The following RILPL2 variants were observed in gnomAD, a reference collection of about 807,000 sequenced individuals.
The protein encoded by RILPL2 is RILP-like protein 2.
A neutral mutation model predicts 22.2 loss-of-function variants in RILPL2; 19 were observed. The ratio of observed to expected loss-of-function variants is 0.86; its 90% confidence interval spans 0.60 to 1.25. RILPL2 has a LOEUF of 1.25. Ranked by LOEUF, RILPL2 falls within the 50% of genes most tolerant of loss-of-function variation. The pLI is 0.00. For synonymous variants in RILPL2, 123 were observed against 111.6 expected (o/e 1.10, Z -0.64); for missense variants, 243 against 263.6 (o/e 0.92, Z 0.54).
At chr12:123,413,884 A>G (rs1879043432), downstream of RILPL2, 2 of 152,220 alleles carry the variant, frequency 1.3e-5, no homozygotes, top group South Asian at 2.1e-4. Flanking sequence ...TAGATACAGA[A>G]TGTCGATTGG....
chr12:123,427,991 G>C (rs1013707927), intron 2 of RILPL2, among the ~76,000 whole-genome samples: 2 of 152,222 alleles, frequency 1.3e-5, no homozygotes, highest in Non-Finnish European at 2.9e-5. Context: ...CTCTTGGCCT[G>C]AGCCAGATGG....
intron 3 of RILPL2, among the ~76,000 whole-genome samples, chr12:123,422,256 C>T (rs958116390): frequency 1.3e-5 from 2 of 151,374 alleles, no homozygotes; most frequent in African/African-American, 4.8e-5. Context: ...GGCGCAGTGG[C>T]TCATGCCTGT....
chr12:123,413,877 A>G (rs1157007332), downstream of RILPL2: 1 of 152,266 alleles, frequency 6.6e-6, no homozygotes, highest in Non-Finnish European at 1.5e-5. Context: ...GAGTAGCTAG[A>G]TACAGAATGT....
Position 123,436,447 on chromosome 12 carries a change from G to T in RILPL2, c.-27C>A, listed in dbSNP as rs1413940194. 1.9e-6 allele frequency: 3 copies of T among 1,539,728 alleles called. No homozygotes were observed. Among genetic ancestry groups the T allele is most frequent in the Non-Finnish European group, 2.6e-6 (3 of 1,145,470 alleles). On this transcript the variant is annotated 5_prime_UTR_variant, in exon 1 of 4. Coordinates refer to ENST00000280571, the MANE Select transcript of RILPL2 (RefSeq NM_145058.3). This position sits in a 1 kb window ranked among gnomAD's most constrained non-coding sequence, Gnocchi z 6.7. ...GCCACCCAGACCCCCGCCGACCTCGGAGCTGCTGTCTTGGAGTCTCCCAAA... is the reference window on the plus strand; with the variant it reads ...GCCACCCAGACCCCCGCCGACCTCGTAGCTGCTGTCTTGGAGTCTCCCAAA...
In RILPL2 at chr12:123,415,632, C is replaced by A; in HGVS notation, c.*259G>T. 1 of 571,752 alleles carries A rather than the reference C, an allele frequency of 1.7e-6. No individual in the cohort carries two copies. The highest frequency in any genetic ancestry group is 1.9e-5 in the African/African-American group (1 of 53,496). The allele number at this position is 571,752 out of a possible 1,614,324, so 35.4% of individuals were successfully genotyped here. A position where few individuals can be genotyped will look rare whatever the true frequency, so the allele number is the denominator to read the frequency against. Reference sequence around the variant, plus strand: ...TGACATGGGAGCAGGAAGTGGACCCCCCCACCCTGCACATCCCTTCTGTTT... The same window carrying A: ...TGACATGGGAGCAGGAAGTGGACCCACCCACCCTGCACATCCCTTCTGTTT... On this transcript the variant is annotated 3_prime_UTR_variant, in exon 4 of 4. Transcript: ENST00000280571.
chr12:123,415,943 T>C, intron 3 of RILPL2, 22 bp from the exon 4 acceptor site: 1 of 1,613,456 alleles, frequency 6.2e-7, no homozygotes, highest in Non-Finnish European at 8.5e-7. Context: ...AGAGAGAGGG[T>C]TCAGGGTAAG....
intron 1 of RILPL2, among the ~76,000 whole-genome samples, chr12:123,432,436 G>A (rs1879678654): frequency 6.6e-6 from 1 of 152,170 alleles, no homozygotes; most frequent in African/African-American, 2.4e-5. Flanking sequence ...GCCCAGGGAG[G>A]CTGAAACTGC....
rs142467647 is a variant in RILPL2 at position 123,426,634 on chromosome 12, G to A, written c.492-3477C>T. Reference sequence around the variant, plus strand: ...TTTTCTTTTTTTGAGATGGAGTCTCGCTGTCGCCCAGGCTGGAGTGCAGTG... The same window carrying A: ...TTTTCTTTTTTTGAGATGGAGTCTCACTGTCGCCCAGGCTGGAGTGCAGTG... On this transcript the variant is annotated intron_variant, in intron 2 of 3. Transcript: ENST00000280571. 1.8e-3 allele frequency among the ~76,000 whole-genome samples: 273 copies of A among 149,032 alleles called. 4 individuals are homozygous for A. The East Asian group carries it at 0.038, about 21-fold the overall frequency.
intron 2 of RILPL2, among the ~76,000 whole-genome samples, chr12:123,424,181 ATTTTGTCTCTGAACTG>A (rs1017591804): frequency 6.6e-5 from 10 of 152,194 alleles, no homozygotes; most frequent in African/African-American, 2.4e-4. Flanking sequence ...GTTAATAAAT[ATTTTGTCTCTGAACTG>A]TTTTGTCTCT....
chr12:123,416,031 T>A, intron 3 of RILPL2, 110 bp from the exon 4 acceptor site: 1 of 1,087,010 alleles, frequency 9.2e-7, no homozygotes, highest in East Asian at 2.4e-5. Context: ...CTCAAAAATA[T>A]GTCCAGGCCA....
At chr12:123,432,523 A>C (rs1879681218) in intron 1 of RILPL2, among the ~76,000 whole-genome samples, 1 of 152,206 alleles carries the variant, frequency 6.6e-6, no homozygotes, top group Non-Finnish European at 1.5e-5. Flanking sequence ...ACAAAGAAAA[A>C]AAACAAGGCA....
chr12:123,410,167 G>A (rs2139222487), downstream of RILPL2, among the ~76,000 whole-genome samples: 2 of 152,332 alleles, frequency 1.3e-5, no homozygotes, highest in Middle Eastern at 6.8e-3. Context: ...TGCATTTTGA[G>A]CCTTAGAACA....
intron 3 of RILPL2, among the ~76,000 whole-genome samples, chr12:123,416,362 G>A (rs1879118875): frequency 2.6e-5 from 4 of 151,150 alleles, no homozygotes; most frequent in South Asian, 2.1e-4. Flanking sequence ...CAAAAAACCC[G>A]GGTGCGGTGG....
chr12:123,416,672 T>A (rs1474377520), intron 3 of RILPL2, among the ~76,000 whole-genome samples: 2 of 152,178 alleles, frequency 1.3e-5, no homozygotes, highest in African/African-American at 4.8e-5. Context: ...ATTCATTCGT[T>A]CATTCATTCA....
intron 1 of RILPL2, among the ~76,000 whole-genome samples, chr12:123,435,150 A>G (rs768087839): frequency 9.2e-5 from 14 of 151,824 alleles, no homozygotes; most frequent in Non-Finnish European, 1.6e-4. Context: ...ACTGCACTAC[A>G]GTCTGAGCAA....
At chr12:123,429,181 G>A (rs1879525354) in intron 2 of RILPL2, among the ~76,000 whole-genome samples, 1 of 151,934 alleles carries the variant, frequency 6.6e-6, no homozygotes, top group Admixed American at 6.6e-5. Flanking sequence ...TTAGAGACAG[G>A]GTCTTGCTAT....
chr12:123,425,765 C>A (rs1350822488), intron 2 of RILPL2, among the ~76,000 whole-genome samples: 4 of 150,278 alleles, frequency 2.7e-5, no homozygotes, highest in Admixed American at 6.6e-5. Flanking sequence ...TTCCCCTGCC[C>A]CAGCCTCCAG....
At chr12:123,433,062 C>T (rs1879696507) in intron 1 of RILPL2, among the ~76,000 whole-genome samples, 1 of 151,594 alleles carries the variant, frequency 6.6e-6, no homozygotes, top group South Asian at 2.1e-4. Context: ...ATTTCAGTGA[C>T]TCTGTTCCTG....
At chr12:123,413,734 C>T (rs1309109225), downstream of RILPL2, 2 of 152,156 alleles carry the variant, frequency 1.3e-5, no homozygotes, top group Non-Finnish European at 2.9e-5. Flanking sequence ...ATTGGTAGAG[C>T]CAAGTGGTCT....
Sources: allele counts gnomAD v4.1 joint callset (sites outside exome capture counted in the v4.1 genomes callset), GRCh38; gene constraint gnomAD v4.1.1; non-coding constraint Gnocchi (gnomAD v3.1); transcripts MANE v1.5; gene names NCBI Gene and HGNC (gene_info 2026-07-23, HGNC 2026-07-21).